DGLUCY: variants seen among roughly 807,000 people sequenced by gnomAD.
DGLUCY encodes the protein D-glutamate cyclase.
Under a neutral mutation model 58.5 loss-of-function variants are expected in DGLUCY, and 58 were observed. The observed-to-expected ratio is 0.99, with a 90% confidence interval of 0.80 to 1.23. The LOEUF (loss-of-function observed/expected upper bound fraction) is 1.23. DGLUCY is among the 50% of genes most tolerant of loss of function. The pLI is 0.00. For synonymous variants in DGLUCY, 325 were observed against 314.1 expected (o/e 1.03, Z -0.37); for missense variants, 779 against 784.7 (o/e 0.99, Z 0.09).
chr14:91,199,611 G>A lies in DGLUCY; in HGVS notation c.1296-146G>A, dbSNP rs2050428920. 16 of 890,244 alleles carry A rather than the reference G, an allele frequency of 1.8e-5. No homozygotes were observed. In the South Asian group the frequency reaches 2.6e-4, roughly 15 times the overall value. 55.1% of individuals were successfully genotyped at this position (890,244 alleles called of 1,614,324 possible). A position where few individuals can be genotyped will look rare whatever the true frequency, so the allele number is the denominator to read the frequency against. ...AGTCTCCAGCACAGGTCCTGGCCCA[G>A]AGTAGATGTGCCACCAAGTTCTGCA... is the stretch of plus-strand genomic sequence containing the variant. On this transcript the variant is annotated intron_variant, in intron 10 of 13. Coordinates refer to ENST00000256324, the MANE Select transcript of DGLUCY (RefSeq NM_001102368.3).
intron 3 of DGLUCY, among the ~76,000 whole-genome samples, chr14:91,166,481 A>G (rs879631427): frequency 1.3e-5 from 2 of 152,134 alleles, no homozygotes; most frequent in African/African-American, 4.8e-5. Context: ...CCTGGCCACC[A>G]TAGTGAAACC....
intron 1 of DGLUCY, among the ~76,000 whole-genome samples, chr14:91,082,963 GC>G: frequency 6.6e-6 from 1 of 152,054 alleles, no homozygotes; most frequent in East Asian, 1.9e-4. Flanking sequence ...TCACTATGTT[GC>G]CCAGGTGGGT....
chr14:91,187,184 G>A (rs550183870), intron 8 of DGLUCY, among the ~76,000 whole-genome samples: 2 of 152,206 alleles, frequency 1.3e-5, no homozygotes, highest in South Asian at 4.2e-4. Flanking sequence ...ATTTTTAGTA[G>A]AGACGGGGTT....
chr14:91,204,675 C>T (rs775683231), intron 11 of DGLUCY, 31 bp from the exon 12 acceptor site: 122 of 1,610,650 alleles, frequency 7.6e-5, no homozygotes, highest in Non-Finnish European at 2.5e-5. Context: ...GCCCTGGTCC[C>T]GTGCACTGAC....
chr14:91,186,117 A>G (rs1474530061), intron 8 of DGLUCY, among the ~76,000 whole-genome samples: 2 of 152,234 alleles, frequency 1.3e-5, no homozygotes, highest in Admixed American at 6.5e-5. Flanking sequence ...TGATAAAATC[A>G]TCATAAATGT....
intron 1 of DGLUCY, among the ~76,000 whole-genome samples, chr14:91,155,104 G>A (rs11628275): frequency 0.014 from 2,056 of 152,288 alleles, 24 homozygotes; most frequent in Middle Eastern, 0.031. Context: ...AGGCCCCGGA[G>A]CGCTAAGCAC....
At chr14:91,060,348 C>T in exon 1 of DGLUCY, 6 of 1,454,602 alleles carry the variant, frequency 4.1e-6, no homozygotes, top group African/African-American at 1.5e-5. Context: ...GCAGCTCGTG[C>T]TTGACAGTGA....
chr14:91,160,169 T>A, intron 2 of DGLUCY, 97 bp from the exon 3 acceptor site: 2 of 778,918 alleles, frequency 2.6e-6, no homozygotes, highest in Non-Finnish European at 4.5e-6. Flanking sequence ...CAGGAAAGGG[T>A]AGGATGTGAT....
chr14:91,097,644 T>C (rs1413656146), intron 1 of DGLUCY, among the ~76,000 whole-genome samples: 1 of 150,984 alleles, frequency 6.6e-6, no homozygotes, highest in Non-Finnish European at 1.5e-5. Flanking sequence ...CATGTCTCTC[T>C]CTACTTGGCG....
At chr14:91,188,853 A>G (rs957461608) in intron 8 of DGLUCY, 57 bp from the exon 9 acceptor site, 1 of 1,512,148 alleles carries the variant, frequency 6.6e-7, no homozygotes, top group Non-Finnish European at 8.9e-7. Context: ...ATACATACAT[A>G]CATACAAATA....
intron 8 of DGLUCY, among the ~76,000 whole-genome samples, chr14:91,188,349 C>T (rs2049651632): frequency 6.6e-6 from 1 of 152,120 alleles, no homozygotes; most frequent in South Asian, 2.1e-4. Flanking sequence ...ATCTCGCGGC[C>T]ACACCAGACT....
chr14:91,159,169 A>C (rs1447080945), intron 2 of DGLUCY, among the ~76,000 whole-genome samples: 1 of 140,572 alleles, frequency 7.1e-6, no homozygotes, highest in African/African-American at 2.5e-5. Context: ...AATTTAGGCC[A>C]GGTGTGGTGG....
At chr14:91,206,214 C>T (rs1364133385) in intron 12 of DGLUCY, among the ~76,000 whole-genome samples, 6 of 151,946 alleles carry the variant, frequency 3.9e-5, no homozygotes, top group African/African-American at 1.5e-4. Flanking sequence ...CTCCCTCTAG[C>T]AATCTGTGCC....
At chr14:91,153,958 T>G (rs2047468662) in intron 1 of DGLUCY, among the ~76,000 whole-genome samples, 2 of 152,114 alleles carry the variant, frequency 1.3e-5, no homozygotes, top group Non-Finnish European at 2.9e-5. Flanking sequence ...CAGGCTGGAG[T>G]GCAGTGGTGC....
chr14:91,217,610 G>A (rs1054708086), intron 13 of DGLUCY, among the ~76,000 whole-genome samples: 5 of 150,108 alleles, frequency 3.3e-5, no homozygotes, highest in South Asian at 2.1e-4. Flanking sequence ...TTAGCCTCTC[G>A]AGTAGCTGGG....
chr14:91,210,067 G>T (rs1322557785), intron 12 of DGLUCY, among the ~76,000 whole-genome samples: 1 of 152,100 alleles, frequency 6.6e-6, no homozygotes, highest in Admixed American at 6.6e-5. Context: ...GATTGCTTTA[G>T]CCTAGACATT....
rs772138403 is a variant in DGLUCY at position 91,223,717 on chromosome 14, G to A, written c.1717-967G>A. 2.3e-6 allele frequency: 3 copies of A among 1,286,792 alleles called. No individual in the cohort carries two copies. In the South Asian group the frequency reaches 3.7e-5, roughly 16 times the overall value. 79.7% of individuals were successfully genotyped at this position (1,286,792 alleles called of 1,614,324 possible). ...GAAAGCTCTAGGCTAAAGGCCAGAA[G>A]ACCTAGCCCTGCCAATAAAATCAAC... is the stretch of plus-strand genomic sequence containing the variant. On this transcript the variant is annotated intron_variant, in intron 13 of 13. Coordinates refer to ENST00000256324, the MANE Select transcript of DGLUCY (RefSeq NM_001102368.3).
In DGLUCY at chr14:91,155,662, G is replaced by T. The variant is rs192067142; in HGVS notation, c.-81-1977G>T. Among the ~76,000 whole-genome samples, 416 of 152,190 alleles carry T rather than the reference G, an allele frequency of 2.7e-3. 3 individuals carry two copies. Among genetic ancestry groups the T allele is most frequent in the African/African-American group, 9.7e-3 (401 of 41,528 alleles). ...AATTTAAAAATTAGATGGGCGTGGT[G>T]GTGCTCACCTGTAGTCCCAGCTACT... On this transcript the variant is annotated intron_variant, in intron 1 of 13. Transcript: ENST00000256324.
At chr14:91,061,726 A>G (rs1162010422) in intron 1 of DGLUCY, among the ~76,000 whole-genome samples, 1 of 152,232 alleles carries the variant, frequency 6.6e-6, no homozygotes, top group Non-Finnish European at 1.5e-5. Flanking sequence ...ATAAGGTTAG[A>G]TGAAAGTATG....
Sources: allele counts gnomAD v4.1 joint callset (sites outside exome capture counted in the v4.1 genomes callset), GRCh38; gene constraint gnomAD v4.1.1; transcripts MANE v1.5; gene names NCBI Gene and HGNC (gene_info 2026-07-23, HGNC 2026-07-21).